The following DPH6 variants were observed in gnomAD, a reference collection of about 807,000 sequenced individuals.
DPH6 encodes the protein diphthamine biosynthesis 6.
Under a neutral mutation model 38.2 loss-of-function variants are expected in DPH6, and 33 were observed. The ratio of observed to expected loss-of-function variants is 0.86; its 90% confidence interval spans 0.65 to 1.15. The LOEUF (loss-of-function observed/expected upper bound fraction) is 1.15, where lower values mean the gene tolerates loss of function less well. Among genes scored for constraint, DPH6 ranks in the 50% most tolerant of loss-of-function variants. DPH6 has a pLI of 0.00. For synonymous variants in DPH6, 108 were observed against 103.0 expected (o/e 1.05, Z -0.30); for missense variants, 325 against 320.0 (o/e 1.02, Z -0.12).
At position 35,442,376 on chromosome 15, in the gene DPH6, T is replaced by G. The variant is rs554160112; in HGVS notation, c.505+8309A>C. 1.2e-4 allele frequency among the ~76,000 whole-genome samples: 19 copies of G among 152,206 alleles called. No individual in the cohort carries two copies. The East Asian group carries it at 3.7e-3, about 29-fold the overall frequency. On this transcript the variant is annotated intron_variant, in intron 5 of 8. Transcript: ENST00000256538. ...AGCTATAAGAAAGACAGAAAATAAT[T>G]AACTGTTGGCTAGGATGTGAAAACC...
intron 3 of DPH6, among the ~76,000 whole-genome samples, chr15:35,364,220 T>A (rs2052637490): frequency 6.6e-6 from 1 of 152,004 alleles, no homozygotes; most frequent in Non-Finnish European, 1.5e-5. Context: ...GAGGAAAAAA[T>A]TTATATATAT....
chr15:35,195,782 T>G, the DPH6 span, among the ~76,000 whole-genome samples: 1 of 152,190 alleles, frequency 6.6e-6, no homozygotes, highest in Non-Finnish European at 1.5e-5. Context: ...CTGCTCTGAC[T>G]GGTTGATGCC....
intron 3 of DPH6, among the ~76,000 whole-genome samples, chr15:35,475,435 C>G (rs1386502357): frequency 6.6e-6 from 1 of 151,884 alleles, no homozygotes; most frequent in African/African-American, 2.4e-5. Context: ...TAATCAGAGC[C>G]AGGATTCCAA....
the DPH6 span, among the ~76,000 whole-genome samples, chr15:35,157,943 C>CA: frequency 2.5e-3 from 355 of 139,924 alleles, 1 homozygote; most frequent in African/African-American, 6.4e-3. Flanking sequence ...ACAACCCAGC[C>CA]AAAAAAAAAA....
At chr15:35,427,791 G>T (rs2053587405) in intron 5 of DPH6, among the ~76,000 whole-genome samples, 1 of 151,930 alleles carries the variant, frequency 6.6e-6, no homozygotes, top group Admixed American at 6.6e-5. Flanking sequence ...TGGAAGGAAA[G>T]GCCACAGGAG....
At chr15:35,285,263 T>C (rs554460823) in intron 3 of DPH6, among the ~76,000 whole-genome samples, 1 of 152,334 alleles carries the variant, frequency 6.6e-6, no homozygotes, top group South Asian at 2.1e-4. Context: ...AGTCATTTGA[T>C]ATGGTTTGGC....
At chr15:35,326,552 A>G (rs1052956866), downstream of DPH6, among the ~76,000 whole-genome samples, 7 of 152,106 alleles carry the variant, frequency 4.6e-5, no homozygotes, top group South Asian at 1.5e-3. Flanking sequence ...CTACCTCAGC[A>G]TCCTGAGTAG....
At chr15:35,545,799 A>G (rs1159797423) in intron 1 of DPH6, among the ~76,000 whole-genome samples, 1 of 152,114 alleles carries the variant, frequency 6.6e-6, no homozygotes, top group East Asian at 1.9e-4. Flanking sequence ...GTCGCACAGA[A>G]GTAATTAAAC....
chr15:35,504,677 A>G (rs1343392309), intron 3 of DPH6, among the ~76,000 whole-genome samples: 2 of 152,104 alleles, frequency 1.3e-5, no homozygotes, highest in Non-Finnish European at 1.5e-5. Context: ...TTCAAAATCA[A>G]TATGCCCTGG....
intron 3 of DPH6, among the ~76,000 whole-genome samples, chr15:35,360,450 C>G (rs561116143): frequency 2.0e-5 from 3 of 152,344 alleles, no homozygotes; most frequent in East Asian, 3.9e-4. Flanking sequence ...ATGGCTCCTA[C>G]TAGACACCCA....
intron 5 of DPH6, among the ~76,000 whole-genome samples, chr15:35,445,242 G>GT (rs2053836953): frequency 6.6e-6 from 1 of 152,076 alleles, no homozygotes; most frequent in Non-Finnish European, 1.5e-5. Flanking sequence ...AAATCAAGCT[G>GT]TAACAGGCAG....
At chr15:35,439,738 TAGTCATTA>T (rs901388671) in intron 5 of DPH6, among the ~76,000 whole-genome samples, 2 of 150,838 alleles carry the variant, frequency 1.3e-5, no homozygotes, top group African/African-American at 2.4e-5. Flanking sequence ...ACCCAACTCA[TAGTCATTA>T]AAGTGTACAA....
chr15:35,294,991 T>A (rs1360234255), intron 3 of DPH6, among the ~76,000 whole-genome samples: 1 of 152,206 alleles, frequency 6.6e-6, no homozygotes, highest in Admixed American at 6.5e-5. Flanking sequence ...TCCTCCCTCC[T>A]AGTGCCATGT....
At chr15:35,442,043 G>A (rs1012147400) in intron 5 of DPH6, among the ~76,000 whole-genome samples, 12 of 151,748 alleles carry the variant, frequency 7.9e-5, no homozygotes, top group African/African-American at 2.7e-4. Flanking sequence ...ATTGGACTAC[G>A]TCAAAACTAA....
intron 3 of DPH6, among the ~76,000 whole-genome samples, chr15:35,456,058 C>T (rs560795029): frequency 4.9e-4 from 74 of 152,188 alleles, no homozygotes; most frequent in African/African-American, 1.7e-3. Flanking sequence ...CCCAAATCAC[C>T]CCAAAATAAA....
At chr15:35,219,586 C>T (rs193298740) in exon 4 of DPH6, 3 of 152,240 alleles carry the variant, frequency 2.0e-5, no homozygotes, top group Admixed American at 2.0e-4. Flanking sequence ...AGCAAACGTT[C>T]TGTGTATTTA....
At chr15:35,261,432 G>C (rs916723853) in intron 3 of DPH6, among the ~76,000 whole-genome samples, 2 of 152,084 alleles carry the variant, frequency 1.3e-5, no homozygotes, top group African/African-American at 4.8e-5. Context: ...TTTAACTCTT[G>C]ACTTCTCAAA....
At chr15:35,462,883 G>T (rs966718885) in intron 3 of DPH6, among the ~76,000 whole-genome samples, 4 of 152,034 alleles carry the variant, frequency 2.6e-5, no homozygotes, top group African/African-American at 9.7e-5. Context: ...TAAAATTACA[G>T]TATTTCTGTA....
the DPH6 span, among the ~76,000 whole-genome samples, chr15:35,168,202 T>C: frequency 6.6e-6 from 1 of 152,084 alleles, no homozygotes; most frequent in African/African-American, 2.4e-5. Flanking sequence ...AAAAGTTTTA[T>C]TTATAATTAA....
Sources: allele counts gnomAD v4.1 joint callset (sites outside exome capture counted in the v4.1 genomes callset), GRCh38; gene constraint gnomAD v4.1.1; transcripts MANE v1.5; gene names NCBI Gene and HGNC (gene_info 2026-07-23, HGNC 2026-07-21).